NXN: variants seen among roughly 807,000 people sequenced by gnomAD.
NXN encodes nucleoredoxin 1.
Under a neutral mutation model 48.6 loss-of-function variants are expected in NXN, and 16 were observed. The ratio of observed to expected loss-of-function variants is 0.33; its 90% CI spans 0.22 to 0.50. NXN has a LOEUF of 0.50. Ranked by LOEUF, NXN falls within the 20% of genes least tolerant of loss-of-function variation. The pLI, the probability that NXN is intolerant of heterozygous loss-of-function variation, is 0.98. For synonymous variants in NXN, 281 were observed against 269.6 expected (o/e 1.04, Z -0.41); for missense variants, 492 against 605.5 (o/e 0.81, Z 1.97).
chr17:902,696 C>T (rs181182207), intron 1 of NXN, among the ~76,000 whole-genome samples: 147 of 152,132 alleles, frequency 9.7e-4, no homozygotes, highest in Non-Finnish European at 1.6e-3. Flanking sequence ...ATCAGCCCCT[C>T]CCATCATCAG....
At chr17:957,015 A>AT (rs961324121) in intron 1 of NXN, among the ~76,000 whole-genome samples, 7 of 152,298 alleles carry the variant, frequency 4.6e-5, no homozygotes, top group Non-Finnish European at 7.4e-5. Flanking sequence ...CCCCAGCTTA[A>AT]TTATAAACGC....
At chr17:857,204 G>A (rs551609506) in intron 1 of NXN, among the ~76,000 whole-genome samples, 132 of 152,270 alleles carry the variant, frequency 8.7e-4, no homozygotes, top group Non-Finnish European at 1.3e-3. Context: ...CACAGATGGC[G>A]CCTTCTTGCT....
At chr17:952,086 G>A (rs2069118102) in intron 1 of NXN, among the ~76,000 whole-genome samples, 2 of 152,132 alleles carry the variant, frequency 1.3e-5, no homozygotes, top group Admixed American at 1.3e-4. Context: ...GGTGGTTGTG[G>A]TTTTTGTGGT....
intron 1 of NXN, among the ~76,000 whole-genome samples, chr17:872,345 GAGAC>G (rs1296817128): frequency 6.6e-6 from 1 of 151,590 alleles, no homozygotes; most frequent in African/African-American, 2.4e-5. Flanking sequence ...GACAAGGAGA[GAGAC>G]AGAGGAACAT....
rs2069059411 is a variant in NXN, at chr17:947,706, C to A, written c.360+31613G>T. ...CGAGATCCTGCCACTGCACTCCGGC[C>A]TGGGCAACAGGGTGAGGCTCCCTCT... On this transcript the variant is annotated intron_variant, in intron 1 of 7. Coordinates refer to ENST00000336868, the MANE Select transcript of NXN (RefSeq NM_022463.5). Among the ~76,000 whole-genome samples the A allele has an allele frequency of 2.1e-5, 3 of 139,708 alleles. 1 individual carries two copies. The South Asian group carries it at 6.9e-4, about 32-fold the overall frequency. 91.7% of individuals were successfully genotyped at this position (139,708 alleles called of 152,430 possible). A position where few individuals can be genotyped will look rare whatever the true frequency, so the allele number is the denominator to read the frequency against.
Position 978,729 on chromosome 17 carries a change from T to C in NXN, c.360+590A>G. ...CCGGCCGCCTCTCCTGACCTCGGCC[T>C]CGGCCCCCAGGTCCCCGGTCCCCGG... On this transcript the variant is annotated intron_variant, in intron 1 of 7. Transcript: ENST00000336868. This position sits in a 1 kb window ranked among gnomAD's most constrained non-coding sequence, Gnocchi z 4.1. The C allele has an allele frequency of 6.6e-6, 1 of 152,264 alleles. No homozygotes were observed. The highest frequency in any genetic ancestry group is 1.5e-5 in the Non-Finnish European group (1 of 68,048). The allele number at this position is 152,264 out of a possible 1,614,324, so 9.4% of individuals were successfully genotyped here.
chr17:812,558 T>A (rs1912134422), intron 5 of NXN, among the ~76,000 whole-genome samples: 1 of 150,998 alleles, frequency 6.6e-6, no homozygotes, highest in Non-Finnish European at 1.5e-5. Context: ...GCAGAGCGAG[T>A]GTGTGTGTGA....
intron 1 of NXN, among the ~76,000 whole-genome samples, chr17:977,695 T>C (rs909176147): frequency 1.3e-5 from 2 of 152,242 alleles, no homozygotes; most frequent in Non-Finnish European, 1.5e-5. Context: ...TAGACTTTAG[T>C]CTACAACAGA....
intron 1 of NXN, among the ~76,000 whole-genome samples, chr17:866,048 AGAAG>A (rs1298635776): frequency 6.6e-6 from 1 of 152,194 alleles, no homozygotes; most frequent in African/African-American, 2.4e-5. Flanking sequence ...CAGCAAAAGG[AGAAG>A]GAAGGAGTGA....
In NXN at chr17:843,500, C is replaced by T. The variant is rs2067824350; in HGVS notation, c.361-17422G>A. 2.0e-5 allele frequency among the ~76,000 whole-genome samples: 3 copies of T among 152,210 alleles called. No individual in the cohort carries two copies. The South Asian group carries it at 6.2e-4, about 31-fold the overall frequency. ...AAGCCCCATCTGGTATGAAAGCCTC[C>T]ACTGGGCAGAGTGGTTTGGGACAGC... On this transcript the variant is annotated intron_variant, in intron 1 of 7. Coordinates refer to ENST00000336868, the MANE Select transcript of NXN (RefSeq NM_022463.5).
intron 5 of NXN, among the ~76,000 whole-genome samples, chr17:812,387 C>G (rs1156852960): frequency 6.6e-6 from 1 of 152,184 alleles, no homozygotes; most frequent in African/African-American, 2.4e-5. Flanking sequence ...GTACCTGGCA[C>G]TGCTCTGTGA....
At chr17:864,206 A>G (rs2068074753) in intron 1 of NXN, 2 of 1,150,474 alleles carry the variant, frequency 1.7e-6, no homozygotes, top group African/African-American at 2.8e-5. Context: ...TGAAGGGCAC[A>G]GGATGGGCAT....
intron 1 of NXN, among the ~76,000 whole-genome samples, chr17:929,177 G>A (rs1442289836): frequency 6.6e-6 from 1 of 152,182 alleles, no homozygotes; most frequent in Non-Finnish European, 1.5e-5. Context: ...CTTCATTACG[G>A]CAACAGGCAG....
chr17:952,052 G>A (rs1305024126), intron 1 of NXN, among the ~76,000 whole-genome samples: 3 of 152,176 alleles, frequency 2.0e-5, no homozygotes, highest in Admixed American at 6.5e-5. Context: ...AAGAAGGGGC[G>A]TTTCCGTTTT....
intron 1 of NXN, among the ~76,000 whole-genome samples, chr17:896,620 G>T (rs914554123): frequency 6.6e-6 from 1 of 152,136 alleles, no homozygotes; most frequent in Non-Finnish European, 1.5e-5. Context: ...TTTCAACTTC[G>T]CTTTAAAGTA....
rs1211495229 is a variant in NXN, at chr17:897,201, G to A, written c.361-71123C>T. Among the ~76,000 whole-genome samples the A allele has an allele frequency of 2.0e-5, 3 of 152,170 alleles. No individual in the cohort carries two copies. The East Asian group carries it at 5.8e-4, about 29-fold the overall frequency. On this transcript the variant is annotated intron_variant, in intron 1 of 7. Transcript: ENST00000336868. ...AGGCTTGCAGGGAGGCGAATGCTCTGTCCTGGGAAAGGGAGGCAGAGGTTA... is the reference window on the plus strand; with the variant it reads ...AGGCTTGCAGGGAGGCGAATGCTCTATCCTGGGAAAGGGAGGCAGAGGTTA...
intron 1 of NXN, among the ~76,000 whole-genome samples, chr17:912,343 TCTGTTGAGAAATTCCCAGAAATTGGA>T (rs377604109): frequency 0.01 from 1,579 of 152,194 alleles, 24 homozygotes; most frequent in African/African-American, 0.033. Flanking sequence ...ATTTGTAAGA[TCTGTTGAGAAATTCCCAGAAATTGGA>T]CTGACAGGTC....
At chr17:915,261 G>A (rs2144934859) in intron 1 of NXN, among the ~76,000 whole-genome samples, 1 of 152,044 alleles carries the variant, frequency 6.6e-6, no homozygotes, top group East Asian at 1.9e-4. Context: ...TTGAGAATAA[G>A]TGGGATTATG....
At chr17:834,667 C>G (rs1324802418) in intron 1 of NXN, among the ~76,000 whole-genome samples, 1 of 151,292 alleles carries the variant, frequency 6.6e-6, no homozygotes, top group African/African-American at 2.4e-5. Flanking sequence ...TTACAGGCGC[C>G]CACCACCACG....
Sources: allele counts gnomAD v4.1 joint callset (sites outside exome capture counted in the v4.1 genomes callset), GRCh38; gene constraint gnomAD v4.1.1; non-coding constraint Gnocchi (gnomAD v3.1); transcripts MANE v1.5; gene names NCBI Gene and HGNC (gene_info 2026-07-23, HGNC 2026-07-21).